MYH14: variants seen among roughly 807,000 people sequenced by gnomAD.
MYH14 encodes myosin-14.
MYH14 carries 123 observed loss-of-function variants against 255.5 expected under a neutral mutation model. That is an observed-to-expected ratio of 0.48 (90% CI 0.42 to 0.56). MYH14 has a LOEUF of 0.56. Ranked by LOEUF, MYH14 falls within the 20% of genes least tolerant of loss-of-function variation. MYH14 has a pLI of 0.00. For missense variants in MYH14, 2,423 were observed against 2,802.3 expected, an observed-to-expected ratio of 0.86 and a Z score of 3.06; for synonymous variants, 1,095 against 1,161.2, an observed-to-expected ratio of 0.94 and a Z score of 1.16.
intron 27 of MYH14, among the ~76,000 whole-genome samples, chr19:50,275,679 A>G (rs1182699279): frequency 6.6e-6 from 1 of 152,124 alleles, no homozygotes; most frequent in African/African-American, 2.4e-5. Context: ...AAAAAAGATT[A>G]GCCAGGCATA....
At chr19:50,248,883 G>T in intron 12 of MYH14, 104 bp from the exon 13 acceptor site, 1 of 1,234,246 alleles carries the variant, frequency 8.1e-7, no homozygotes, top group South Asian at 1.3e-5. Flanking sequence ...GCTGGGAGGC[G>T]ACCTTAAGGG....
chr19:50,220,476 T>G (rs2032763014), intron 3 of MYH14, among the ~76,000 whole-genome samples: 1 of 150,798 alleles, frequency 6.6e-6, no homozygotes, highest in African/African-American at 2.4e-5. Context: ...GCATATTCAA[T>G]AAGTATAATG....
chr19:50,226,846 C>T (rs531582473), intron 7 of MYH14, 57 bp from the exon 8 acceptor site: 86 of 1,553,782 alleles, frequency 5.5e-5, no homozygotes, highest in Middle Eastern at 3.4e-4. Flanking sequence ...CTGTTGTTCA[C>T]GTGTGAGTGG....
chr19:50,295,026 T>TAAAAGAAA, intron 39 of MYH14, among the ~76,000 whole-genome samples: 1 of 141,874 alleles, frequency 7.0e-6, no homozygotes, highest in East Asian at 2.0e-4. Flanking sequence ...TTTTTTTTTT[T>TAAAAGAAA]AAAAACAGGC....
Position 50,293,397 on chromosome 19 carries a change from G to C in MYH14, c.5345+76G>C. 6.6e-7 allele frequency: 1 copy of C among 1,521,384 alleles called. No individual in the cohort carries two copies. The highest frequency in any genetic ancestry group is 1.2e-5 in the South Asian group (1 of 84,144). 94.2% of individuals were successfully genotyped at this position (1,521,384 alleles called of 1,614,324 possible). On this transcript the variant is annotated intron_variant, in intron 38 of 42. Coordinates refer to ENST00000642316, the MANE Select transcript of MYH14 (RefSeq NM_001145809.2). This position sits in a 1 kb window ranked among gnomAD's most constrained non-coding sequence, Gnocchi z 4.1. ...AAGCTGGGGTAGGCTGGAGGTGGCTGGGCTCTGGGACAGGAAACTGGGAGG... is the reference window on the plus strand; with the variant it reads ...AAGCTGGGGTAGGCTGGAGGTGGCTCGGCTCTGGGACAGGAAACTGGGAGG...
intron 37 of MYH14, among the ~76,000 whole-genome samples, chr19:50,292,704 A>C (rs1782040534): frequency 6.6e-6 from 1 of 152,134 alleles, no homozygotes; most frequent in Non-Finnish European, 1.5e-5. Flanking sequence ...GATCCAGAAC[A>C]GAGGATGGGC....
At chr19:50,244,674 G>A (rs895499845) in intron 11 of MYH14, among the ~76,000 whole-genome samples, 12 of 151,778 alleles carry the variant, frequency 7.9e-5, no homozygotes, top group African/African-American at 2.7e-4. Context: ...TAGTAGAGAC[G>A]GAGTGTCACC....
intron 41 of MYH14, 56 bp downstream of exon 41, chr19:50,307,213 T>C: frequency 9.1e-7 from 1 of 1,098,902 alleles, no homozygotes; most frequent in Non-Finnish European, 1.4e-6. Flanking sequence ...GGCTGAGAAA[T>C]TGCACAGGCT....
rs1304007410 is a variant in MYH14, at chr19:50,280,486, G to A, written c.4290+103G>A. On this transcript the variant is annotated intron_variant, in intron 32 of 42. Coordinates refer to ENST00000642316, the MANE Select transcript of MYH14 (RefSeq NM_001145809.2). This position sits in a 1 kb window ranked among gnomAD's most constrained non-coding sequence, Gnocchi z 4.8. ...GGCCATGCTGCCCACCTTCTCATAG[G>A]CCAGACCCATGGGTGCCTTTCTCAT... 13 of 1,265,338 alleles carry A rather than the reference G, an allele frequency of 1.0e-5. No homozygotes were observed. Among genetic ancestry groups the A allele is most frequent in the Non-Finnish European group, 3.2e-6 (3 of 937,960 alleles). The allele number at this position is 1,265,338 out of a possible 1,614,324, so 78.4% of individuals were successfully genotyped here.
At chr19:50,274,251 C>T (rs545170245) in intron 27 of MYH14, among the ~76,000 whole-genome samples, 2 of 152,220 alleles carry the variant, frequency 1.3e-5, no homozygotes, top group South Asian at 2.1e-4. Flanking sequence ...GTAGATTTTG[C>T]CCATTCACAA....
At chr19:50,305,665 T>C (rs1320023788) in intron 40 of MYH14, among the ~76,000 whole-genome samples, 2 of 152,064 alleles carry the variant, frequency 1.3e-5, no homozygotes, top group Non-Finnish European at 2.9e-5. Flanking sequence ...CAGTGGCTCA[T>C]GCCTGTAATC....
intron 2 of MYH14, among the ~76,000 whole-genome samples, chr19:50,213,573 A>G (rs775242063): frequency 6.6e-6 from 1 of 152,210 alleles, no homozygotes; most frequent in Non-Finnish European, 1.5e-5. Flanking sequence ...CTAGAATTCC[A>G]GACAGGAAGC....
chr19:50,260,198 G>A (rs564291246), intron 19 of MYH14, among the ~76,000 whole-genome samples: 76 of 152,244 alleles, frequency 5.0e-4, no homozygotes, highest in African/African-American at 1.7e-3. Context: ...AGGCCGAGGC[G>A]GGTGGATCAC....
chr19:50,282,677 T>C (rs904447042), intron 33 of MYH14, among the ~76,000 whole-genome samples: 6 of 152,186 alleles, frequency 3.9e-5, no homozygotes, highest in African/African-American at 1.2e-4. Context: ...CACTCCGGCC[T>C]GGGTGATAGA....
rs1409020348 is a variant in MYH14 at position 50,297,489 on chromosome 19, C to T, written c.5469+3802C>T. 2.2e-4 allele frequency among the ~76,000 whole-genome samples: 12 copies of T among 54,996 alleles called. No homozygotes were observed. The South Asian group carries it at 9.0e-3, about 41-fold the overall frequency. 36.1% of individuals were successfully genotyped at this position (54,996 alleles called of 152,430 possible). A position where few individuals can be genotyped will look rare whatever the true frequency, so the allele number is the denominator to read the frequency against. Reference sequence around the variant, plus strand: ...CATCTTTGTGGCTCTGTCTCATCTCCTCTTTTTTTTTTTTTTTTTTTTTTT... The same window carrying T: ...CATCTTTGTGGCTCTGTCTCATCTCTTCTTTTTTTTTTTTTTTTTTTTTTT... On this transcript the variant is annotated intron_variant, in intron 39 of 42. Transcript: ENST00000642316.
At chr19:50,205,287 G>C (rs1248545245) in intron 1 of MYH14, among the ~76,000 whole-genome samples, 1 of 152,184 alleles carries the variant, frequency 6.6e-6, no homozygotes, top group African/African-American at 2.4e-5. Context: ...CCTCCATAAG[G>C]GGGAGGAGCC....
At chr19:50,308,659 A>G in intron 41 of MYH14, 1 of 275,620 alleles carries the variant, frequency 3.6e-6, no homozygotes, top group Non-Finnish European at 6.9e-6. Context: ...TGGACAAGAA[A>G]AAGACCCTGT....
In MYH14 at chr19:50,230,193, G is replaced by A. The variant is rs150343774; in HGVS notation, c.875-332G>A. ...TTTCCAAAGTGTTGGGATTACAGGC[G>A]TGAGCCACTGCGCCCACAGGGTTGA... On this transcript the variant is annotated intron_variant, in intron 8 of 42. Coordinates refer to ENST00000642316, the MANE Select transcript of MYH14 (RefSeq NM_001145809.2). The surrounding 1 kb of genome is among the most constrained non-coding windows in gnomAD (Gnocchi z 4.7). Among the ~76,000 whole-genome samples, 565 of 152,316 alleles carry A rather than the reference G, an allele frequency of 3.7e-3. 4 individuals carry two copies. The highest frequency in any genetic ancestry group is 5.0e-3 in the Non-Finnish European group (341 of 68,030).
In MYH14 at chr19:50,276,224, G is replaced by T. The variant is rs530673073; in HGVS notation, c.3680+21G>T. 1.3e-6 allele frequency: 2 copies of T among 1,505,136 alleles called. No homozygotes were observed. Among genetic ancestry groups the T allele is most frequent in the Admixed American group, 4.1e-5 (2 of 49,158 alleles). 93.2% of individuals were successfully genotyped at this position (1,505,136 alleles called of 1,614,324 possible). On this transcript the variant is annotated intron_variant, in intron 28 of 42. Coordinates refer to ENST00000642316, the MANE Select transcript of MYH14 (RefSeq NM_001145809.2). This position sits in a 1 kb window ranked among gnomAD's most constrained non-coding sequence, Gnocchi z 4.3. ...CTCCGGTGAGGCCCGGTGGCAGGCC[G>T]CTGTCACAGCCTGTGCACATACAGG...
Sources: gnomAD v4.1 joint callset for allele counts (sites outside exome capture counted in the v4.1 genomes callset) on GRCh38, gnomAD v4.1.1 for gene constraint, Gnocchi (gnomAD v3.1) non-coding constraint, MANE v1.5 for transcripts, NCBI Gene and HGNC (gene_info 2026-07-23, HGNC 2026-07-21) for gene names.